The following SHISA9 variants were observed in gnomAD, a reference collection of about 807,000 sequenced individuals.
SHISA9 encodes the protein protein shisa-9.
Under a neutral mutation model 38.0 loss-of-function variants are expected in SHISA9, and 13 were observed. The observed-to-expected ratio is 0.34, with a 90% confidence interval of 0.22 to 0.54. The LOEUF (loss-of-function observed/expected upper bound fraction) is 0.54, where lower values mean the gene tolerates loss of function less well. Among genes scored for constraint, SHISA9 ranks in the 20% least tolerant of loss-of-function variants. SHISA9 has a pLI of 0.91. For synonymous variants in SHISA9, 275 were observed against 242.0 expected (o/e 1.14, Z -1.27); for missense variants, 538 against 575.8 (o/e 0.93, Z 0.67).
intron 2 of SHISA9, among the ~76,000 whole-genome samples, chr16:12,929,516 A>T (rs573158969): frequency 1.3e-5 from 2 of 152,186 alleles, no homozygotes; most frequent in African/African-American, 4.8e-5. Flanking sequence ...GGAAGCCATT[A>T]TCCTCAGCAA....
At chr16:13,205,490 G>A (rs1237572734) in intron 3 of SHISA9, among the ~76,000 whole-genome samples, 2 of 152,180 alleles carry the variant, frequency 1.3e-5, no homozygotes, top group Non-Finnish European at 2.9e-5. Flanking sequence ...CCAAACAGAT[G>A]TGAGTTCAAA....
the SHISA9 span, among the ~76,000 whole-genome samples, chr16:13,287,087 C>G: frequency 6.6e-6 from 1 of 152,024 alleles, no homozygotes; most frequent in African/African-American, 2.4e-5. Flanking sequence ...TTAAGGAAGT[C>G]CCACTAGAAG....
intron 2 of SHISA9, among the ~76,000 whole-genome samples, chr16:12,991,778 A>G (rs1434103407): frequency 6.6e-6 from 1 of 152,178 alleles, no homozygotes; most frequent in Non-Finnish European, 1.5e-5. Context: ...GTTCAAAAGC[A>G]TCCACCTTGT....
the SHISA9 span, among the ~76,000 whole-genome samples, chr16:13,315,032 C>T: frequency 6.6e-6 from 1 of 152,066 alleles, no homozygotes; most frequent in South Asian, 2.1e-4. Flanking sequence ...AACAGGATCC[C>T]AGTCCCGTTT....
At chr16:13,443,947 G>C in the SHISA9 span, among the ~76,000 whole-genome samples, 4 of 152,106 alleles carry the variant, frequency 2.6e-5, no homozygotes, top group Non-Finnish European at 4.4e-5. Flanking sequence ...TACTTCCAAA[G>C]TACTTCTTGG....
chr16:13,532,557 ATG>A, the SHISA9 span, among the ~76,000 whole-genome samples: 63,475 of 149,966 alleles, frequency 0.42, 13,461 homozygotes, highest in Middle Eastern at 0.47. Context: ...GCGTGTGTGT[ATG>A]TGTGTGTGTG....
intron 2 of SHISA9, among the ~76,000 whole-genome samples, chr16:12,975,483 A>G (rs2072145962): frequency 6.6e-6 from 1 of 152,138 alleles, no homozygotes; most frequent in Non-Finnish European, 1.5e-5. Context: ...AGCCCGGGCA[A>G]CAGAGTGAGA....
chr16:13,379,225 G>T, the SHISA9 span, among the ~76,000 whole-genome samples: 1 of 152,214 alleles, frequency 6.6e-6, no homozygotes, highest in Non-Finnish European at 1.5e-5. Context: ...GCAAGAAGGA[G>T]ACAAATGAGG....
chr16:13,469,421 G>GAAAGAAAGAAAGAA, the SHISA9 span, among the ~76,000 whole-genome samples: 1 of 120,444 alleles, frequency 8.3e-6, no homozygotes, highest in Non-Finnish European at 1.8e-5. Flanking sequence ...AAGAAAGAAA[G>GAAAGAAAGAAAGAA]AAAAAGAAAG....
At chr16:13,454,849 G>GAATA in the SHISA9 span, among the ~76,000 whole-genome samples, 1 of 152,278 alleles carries the variant, frequency 6.6e-6, no homozygotes, top group Admixed American at 6.5e-5. Flanking sequence ...TTCTATTCAT[G>GAATA]TGGCTTCCTT....
At chr16:13,456,772 A>G in the SHISA9 span, among the ~76,000 whole-genome samples, 2 of 152,348 alleles carry the variant, frequency 1.3e-5, no homozygotes, top group East Asian at 1.9e-4. Flanking sequence ...CATTCAGGCA[A>G]TGTGTGATCA....
At chr16:13,433,070 A>C in the SHISA9 span, among the ~76,000 whole-genome samples, 1 of 151,376 alleles carries the variant, frequency 6.6e-6, no homozygotes, top group Non-Finnish European at 1.5e-5. Context: ...CTTAAAATAA[A>C]AATTTTAAAA....
At chr16:12,967,792 A>G (rs2071999529) in intron 2 of SHISA9, among the ~76,000 whole-genome samples, 1 of 152,142 alleles carries the variant, frequency 6.6e-6, no homozygotes. Context: ...TGCAAATAAC[A>G]GTTATTGCAA....
chr16:12,916,799 C>T lies in SHISA9; in HGVS notation c.675C>T (p.Thr225=). The change falls in exon 2 of 5, where the codon ACC becomes ACT. Residue 225 remains threonine, a synonymous_variant. Coordinates refer to ENST00000558583, the MANE Select transcript of SHISA9 (RefSeq NM_001145204.3). ...ATTATGAGAACATGGACACGAGAAC[C>T]CCCATAAATAATCTTCGTAAGTACA... ...VQHYENMDTR[T]PINNLHATQM... is the part of the protein sequence containing the mutation. 3 of 1,551,762 alleles carry T rather than the reference C, an allele frequency of 1.9e-6. No homozygotes were observed. The highest frequency in any genetic ancestry group is 2.6e-6 in the Non-Finnish European group (3 of 1,146,992).
the SHISA9 span, among the ~76,000 whole-genome samples, chr16:13,464,407 C>G: frequency 1.3e-5 from 2 of 152,192 alleles, no homozygotes; most frequent in Admixed American, 1.3e-4. Flanking sequence ...CCAAAACTTA[C>G]AATCCTGAAG....
the SHISA9 span, among the ~76,000 whole-genome samples, chr16:13,526,209 G>A: frequency 6.6e-6 from 1 of 152,168 alleles, no homozygotes; most frequent in Non-Finnish European, 1.5e-5. Flanking sequence ...ATCAAAACGG[G>A]TCTTCATTCA....
At chr16:13,262,631 T>TGGAAGGAA in the SHISA9 span, among the ~76,000 whole-genome samples, 496 of 77,904 alleles carry the variant, frequency 6.4e-3, 12 homozygotes, top group East Asian at 6.4e-3. Flanking sequence ...ATTGTTATTG[T>TGGAAGGAA]GGAAGGAAGG....
chr16:13,249,881 A>C, the SHISA9 span, among the ~76,000 whole-genome samples: 1 of 151,986 alleles, frequency 6.6e-6, no homozygotes, highest in African/African-American at 2.4e-5. Flanking sequence ...ACAGGCACAC[A>C]CCACCCTGCC....
the SHISA9 span, among the ~76,000 whole-genome samples, chr16:13,398,480 C>A: frequency 1.3e-5 from 2 of 150,444 alleles, no homozygotes; most frequent in Admixed American, 1.3e-4. Flanking sequence ...ACAAGGGTAG[C>A]TACCAATGTG....
Sources: allele counts gnomAD v4.1 joint callset (sites outside exome capture counted in the v4.1 genomes callset), GRCh38; gene constraint gnomAD v4.1.1; transcripts MANE v1.5; gene names NCBI Gene and HGNC (gene_info 2026-07-23, HGNC 2026-07-21).